INSIG2: variants seen among roughly 807,000 people sequenced by gnomAD.
INSIG2 encodes the protein insulin-induced gene 2 protein.
In INSIG2, 10 loss-of-function variants were observed where a neutral mutation model predicts 27.2. The observed-to-expected ratio is 0.37, with a 90% CI of 0.23 to 0.62. The LOEUF (loss-of-function observed/expected upper bound fraction) is 0.62. INSIG2 is among the 20% of genes least tolerant of loss of function. INSIG2 has a pLI of 0.65. For missense variants in INSIG2, 178 were observed against 270.2 expected (o/e 0.66, Z 2.39); for synonymous variants, 97 against 95.8 (o/e 1.01, Z -0.07).
rs2104543667 is a variant in INSIG2 at position 118,109,008 on chromosome 2, A to G, written c.*686A>G. 1 of 152,364 alleles carries G rather than the reference A, an allele frequency of 6.6e-6. No individual in the cohort carries two copies. The highest frequency in any genetic ancestry group is 1.5e-5 in the Non-Finnish European group (1 of 68,044). The allele number at this position is 152,364 out of a possible 1,614,324, so 9.4% of individuals were successfully genotyped here. A position where few individuals can be genotyped will look rare whatever the true frequency, so the allele number is the denominator to read the frequency against. On this transcript the variant is annotated 3_prime_UTR_variant, in exon 6 of 6. Transcript: ENST00000245787. Reference sequence around the variant, plus strand: ...ACTGGAAGTATATGTGATGAGCAGAAGAGGTTATCAGCATTAAATTGTTTT... The same window carrying G: ...ACTGGAAGTATATGTGATGAGCAGAGGAGGTTATCAGCATTAAATTGTTTT...
chr2:118,109,300 C>G lies in INSIG2; in HGVS notation c.*978C>G, dbSNP rs986870296. 2 of 152,072 alleles carry G rather than the reference C, an allele frequency of 1.3e-5. No individual in the cohort carries two copies. Among genetic ancestry groups the G allele is most frequent in the Non-Finnish European group, 2.9e-5 (2 of 68,020 alleles). The allele number at this position is 152,072 out of a possible 1,614,324, so 9.4% of individuals were successfully genotyped here. The stretch of plus-strand genomic sequence containing the variant: ...GTGAAGCAAACCACTGTAGCTTTAG[C>G]TGGGTTCAGTCATATGACTCGTTGG... On this transcript the variant is annotated 3_prime_UTR_variant, in exon 6 of 6. Transcript: ENST00000245787.
intron 1 of INSIG2, among the ~76,000 whole-genome samples, chr2:118,093,941 T>TGAGGAGGAG (rs1331616893): frequency 1.3e-3 from 9 of 7,062 alleles, no homozygotes; most frequent in African/African-American, 4.0e-3. Context: ...ATGATGATGA[T>TGAGGAGGAG]GAGGAGGAGG....
At chr2:118,098,207 G>C (rs1321937561) in intron 2 of INSIG2, among the ~76,000 whole-genome samples, 1 of 152,036 alleles carries the variant, frequency 6.6e-6, no homozygotes, top group Non-Finnish European at 1.5e-5. Context: ...TTCTTCTATA[G>C]TATAGTCTGG....
Position 118,100,447 on chromosome 2 carries a change from C to T in INSIG2, c.245-2750C>T, listed in dbSNP as rs1678515477. Among the ~76,000 whole-genome samples, 4 of 130,908 alleles carry T rather than the reference C, an allele frequency of 3.1e-5. No individual in the cohort carries two copies. In the Admixed American group the frequency reaches 3.7e-4, roughly 12 times the overall value. 85.9% of individuals were successfully genotyped at this position (130,908 alleles called of 152,430 possible). A position where few individuals can be genotyped will look rare whatever the true frequency, so the allele number is the denominator to read the frequency against. On this transcript the variant is annotated intron_variant, in intron 2 of 5. Coordinates refer to ENST00000245787, the MANE Select transcript of INSIG2 (RefSeq NM_016133.4). ...GGGCTGGAGTGCAGTGGCGCCATCTCGGCTTACTGCAACCTCCACCTCCCA... is the reference window on the plus strand; with the variant it reads ...GGGCTGGAGTGCAGTGGCGCCATCTTGGCTTACTGCAACCTCCACCTCCCA...
rs1349608850 is a variant in INSIG2 at position 118,109,090 on chromosome 2, A to AT, written c.*770dup. 2.0e-5 allele frequency: 3 copies of AT among 152,368 alleles called. No individual in the cohort carries two copies. The allele number at this position is 152,368 out of a possible 1,614,324, so 9.4% of individuals were successfully genotyped here. On this transcript the variant is annotated 3_prime_UTR_variant, in exon 6 of 6. Transcript: ENST00000245787. Reference sequence around the variant, plus strand: ...AAAGTAAGGAACATTAGAGGATTTAATTAGAATAAATACATGTTTTGGAAA... The same window carrying AT: ...AAAGTAAGGAACATTAGAGGATTTAATTTAGAATAAATACATGTTTTGGAAA...
In INSIG2 at chr2:118,100,495, C is replaced by G. The variant is rs530115195; in HGVS notation, c.245-2702C>G. 1.4e-3 allele frequency among the ~76,000 whole-genome samples: 217 copies of G among 149,694 alleles called. 1 individual carries two copies. Among genetic ancestry groups the G allele is most frequent in the African/African-American group, 5.1e-3 (207 of 40,724 alleles). ...CCAGCTTCAAGCGATTCTCCTGCCT[C>G]AGCCTTCCGAGTAGCTGGGATTACA... On this transcript the variant is annotated intron_variant, in intron 2 of 5. Coordinates refer to ENST00000245787, the MANE Select transcript of INSIG2 (RefSeq NM_016133.4).
At chr2:118,107,348 G>T (rs1558838074) in intron 5 of INSIG2, among the ~76,000 whole-genome samples, 159 bp downstream of exon 5, 1 of 152,198 alleles carries the variant, frequency 6.6e-6, no homozygotes, top group Non-Finnish European at 1.5e-5. Flanking sequence ...TTTAATCACA[G>T]GTGTTTTAAA....
chr2:118,101,404 A>G (rs950885350), intron 2 of INSIG2, among the ~76,000 whole-genome samples: 1 of 152,242 alleles, frequency 6.6e-6, no homozygotes, highest in Non-Finnish European at 1.5e-5. Flanking sequence ...GTCTGACATC[A>G]CATGCATAAA....
At chr2:118,095,117 T>G (rs1678376346) in intron 1 of INSIG2, among the ~76,000 whole-genome samples, 1 of 152,238 alleles carries the variant, frequency 6.6e-6, no homozygotes, top group South Asian at 2.1e-4. Flanking sequence ...AACTATACCT[T>G]TAATTAGAAA....
chr2:118,100,567 A>G (rs993869128), intron 2 of INSIG2, among the ~76,000 whole-genome samples: 20 of 151,716 alleles, frequency 1.3e-4, no homozygotes, highest in Admixed American at 1.1e-3. Context: ...TTTAGTGGAG[A>G]CAGGTTTTCA....
At chr2:118,091,551 C>T (rs978077789) in intron 1 of INSIG2, among the ~76,000 whole-genome samples, 2 of 152,094 alleles carry the variant, frequency 1.3e-5, no homozygotes, top group African/African-American at 4.8e-5. Flanking sequence ...ATATATACAA[C>T]TTTTTTGTTT....
At chr2:118,108,257 C>T (rs1678723456) in intron 5 of INSIG2, 24 bp from the exon 6 acceptor site, 1 of 1,552,580 alleles carries the variant, frequency 6.4e-7, no homozygotes, top group Non-Finnish European at 8.8e-7. Flanking sequence ...ATCTGTTAAC[C>T]TTTTAACCTT....
chr2:118,098,924 A>C (rs1678474693), intron 2 of INSIG2, among the ~76,000 whole-genome samples: 1 of 152,222 alleles, frequency 6.6e-6, no homozygotes, highest in Non-Finnish European at 1.5e-5. Flanking sequence ...GTAGAGAGAC[A>C]TTAGGAAATC....
rs1001931205 is a variant in INSIG2, at chr2:118,109,222, C to G, written c.*900C>G. ...CATGGAGCATATAGGAAACTCCAAA[C>G]AGATCACAATGAGGTTTCTAAATCT... On this transcript the variant is annotated 3_prime_UTR_variant, in exon 6 of 6. Transcript: ENST00000245787. 6.6e-6 allele frequency: 1 copy of G among 152,182 alleles called. No individual in the cohort carries two copies. Among genetic ancestry groups the G allele is most frequent in the African/African-American group, 2.4e-5 (1 of 41,440 alleles). The allele number at this position is 152,182 out of a possible 1,614,324, so 9.4% of individuals were successfully genotyped here.
chr2:118,094,050 G>GATGAT (rs1370498938), intron 1 of INSIG2, among the ~76,000 whole-genome samples: 33 of 100,452 alleles, frequency 3.3e-4, no homozygotes, highest in East Asian at 8.7e-4. Flanking sequence ...TGATGATGAT[G>GATGAT]GAGAGTTCTG....
intron 1 of INSIG2, among the ~76,000 whole-genome samples, chr2:118,091,413 C>T (rs1281783825): frequency 6.6e-6 from 1 of 152,146 alleles, no homozygotes; most frequent in South Asian, 2.1e-4. Context: ...GACTACTTTG[C>T]ATGTCATTGG....
At chr2:118,103,048 T>G (rs1678584878) in intron 2 of INSIG2, 149 bp from the exon 3 acceptor site, 2 of 667,360 alleles carry the variant, frequency 3.0e-6, no homozygotes. Context: ...TTAAAAAATA[T>G]CGGTGATTGA....
At chr2:118,098,253 T>A (rs913652433) in intron 2 of INSIG2, among the ~76,000 whole-genome samples, 9 of 152,136 alleles carry the variant, frequency 5.9e-5, no homozygotes, top group Non-Finnish European at 1.3e-4. Context: ...TGGAAGAGCA[T>A]ACATGTCTTT....
At chr2:118,093,021 G>T (rs1296372836) in intron 1 of INSIG2, among the ~76,000 whole-genome samples, 27 of 118,790 alleles carry the variant, frequency 2.3e-4, no homozygotes, top group Middle Eastern at 5.4e-3. Flanking sequence ...ATGATGAGGA[G>T]GAGGAGGAGG....
Sources: gnomAD v4.1 joint callset for allele counts (sites outside exome capture counted in the v4.1 genomes callset) on GRCh38, gnomAD v4.1.1 for gene constraint, MANE v1.5 for transcripts, NCBI Gene and HGNC (gene_info 2026-07-23, HGNC 2026-07-21) for gene names.